The following KIAA2012 variants were observed in gnomAD, a reference collection of about 807,000 sequenced individuals.
The protein encoded by KIAA2012 is KIAA2012.
A neutral mutation model predicts 150.6 loss-of-function variants in KIAA2012; 125 were observed. That is an observed-to-expected ratio of 0.83 (90% CI 0.72 to 0.96). KIAA2012 has a LOEUF of 0.96. Among genes scored for constraint, KIAA2012 ranks in the 40% least tolerant of loss-of-function variants. The pLI is 0.00. For missense variants in KIAA2012, 1,219 were observed against 1,354.9 expected (o/e 0.90, Z 1.57); for synonymous variants, 462 against 504.7 (o/e 0.92, Z 1.13).
Position 202,097,551 on chromosome 2 carries a change from TGGCAGGAAGATGAAACGCA to T in KIAA2012, c.808_826del (p.Glu270ArgfsTer5). 6.5e-7 allele frequency: 1 copy of T among 1,549,024 alleles called. No individual in the cohort carries two copies. The highest frequency in any genetic ancestry group is 2.4e-5 in the East Asian group (1 of 40,876). The stretch of plus-strand genomic sequence containing the variant: ...CTTGCCACCACGCAGGAAGCAGCCC[TGGCAGGAAGATGAAACGCA>T]GGCAGAGGTACCATTTCTTTTTTTT... On this transcript the variant is annotated frameshift_variant, in exon 5 of 24. Transcript: ENST00000498697. LOFTEE classifies it high-confidence loss of function.
chr2:202,079,610 G>A (rs1374037549), intron 2 of KIAA2012, among the ~76,000 whole-genome samples: 2 of 152,218 alleles, frequency 1.3e-5, no homozygotes, highest in East Asian at 1.9e-4. Context: ...GAACTTTCTT[G>A]ATGGCCCAAC....
chr2:202,201,562 C>T (rs1429375498), intron 22 of KIAA2012: 1 of 1,610,456 alleles, frequency 6.2e-7, no homozygotes, highest in East Asian at 2.2e-5. Flanking sequence ...GCATCATACC[C>T]GCCTTCCACC....
chr2:202,125,882 C>G (rs981577288), intron 12 of KIAA2012: 5 of 443,930 alleles, frequency 1.1e-5, no homozygotes, highest in African/African-American at 2.1e-5. Flanking sequence ...GAGACTTTCT[C>G]TCCTAAAAAT....
At position 202,113,337 on chromosome 2, in the gene KIAA2012, A is replaced by C; in HGVS notation, c.1653A>C (p.Glu551Asp). 1 of 1,550,154 alleles carries C rather than the reference A, an allele frequency of 6.5e-7. No individual in the cohort carries two copies. Among genetic ancestry groups the C allele is most frequent in the Non-Finnish European group, 8.7e-7 (1 of 1,146,518 alleles). ...CCTATGCTTGTGCTTATTTTCAAGAAGATTCCAGCGACCCTACACTGGGAC... is the reference window on the plus strand; with the variant it reads ...CCTATGCTTGTGCTTATTTTCAAGACGATTCCAGCGACCCTACACTGGGAC... ...VPRRALPAAQ[E>D]DSSDPTLGHF... The change falls in exon 11 of 24, where the codon GAA becomes GAC. Residue 551 changes from glutamate (E) to aspartate (D), a missense_variant and splice_region_variant. Coordinates refer to ENST00000498697, the MANE Select transcript of KIAA2012 (RefSeq NM_001277372.4).
intron 10 of KIAA2012, among the ~76,000 whole-genome samples, chr2:202,110,941 C>A (rs1690332506): frequency 2.0e-5 from 3 of 152,216 alleles, no homozygotes; most frequent in Admixed American, 6.5e-5. Context: ...TCCTTCCCCG[C>A]AACATTCTCT....
At chr2:202,179,464 T>C (rs1425674660) in intron 15 of KIAA2012, 4 of 711,350 alleles carry the variant, frequency 5.6e-6, no homozygotes, top group Non-Finnish European at 1.1e-5. Flanking sequence ...TCATTCTGTA[T>C]GATGAGCGAA....
chr2:202,112,919 G>C (rs1690409666), intron 10 of KIAA2012, among the ~76,000 whole-genome samples: 1 of 152,192 alleles, frequency 6.6e-6, no homozygotes, highest in Non-Finnish European at 1.5e-5. Context: ...TGCATGCTGA[G>C]TACTGCACAG....
chr2:202,130,465 T>G (rs1003044344), intron 12 of KIAA2012, among the ~76,000 whole-genome samples: 4 of 148,734 alleles, frequency 2.7e-5, no homozygotes, highest in Non-Finnish European at 4.5e-5. Context: ...ATTTTGTGTG[T>G]GAGTTATATT....
intron 11 of KIAA2012, 138 bp from the exon 12 acceptor site, chr2:202,125,076 T>G (rs909706053): frequency 2.8e-5 from 20 of 706,488 alleles, no homozygotes; most frequent in Non-Finnish European, 4.5e-5. Context: ...TCTCAAAAAT[T>G]TAAAAAAAAG....
chr2:202,125,594 C>T (rs1690762794), intron 12 of KIAA2012, among the ~76,000 whole-genome samples: 1 of 152,118 alleles, frequency 6.6e-6, no homozygotes, highest in Non-Finnish European at 1.5e-5. Flanking sequence ...TAATCCACTG[C>T]ACAATTCCCT....
At chr2:202,191,216 G>A (rs1309691388) in intron 19 of KIAA2012, among the ~76,000 whole-genome samples, 1 of 152,084 alleles carries the variant, frequency 6.6e-6, no homozygotes, top group Non-Finnish European at 1.5e-5. Context: ...GGCAGAGGTT[G>A]CAGTGAGCCG....
At chr2:202,183,820 C>T (rs1018160987) in intron 15 of KIAA2012, among the ~76,000 whole-genome samples, 15 of 152,108 alleles carry the variant, frequency 9.9e-5, no homozygotes, top group Non-Finnish European at 2.1e-4. Context: ...AATCAACTTG[C>T]TTTTCAATGT....
chr2:202,196,553 A>T (rs919666847), intron 21 of KIAA2012, among the ~76,000 whole-genome samples: 1 of 151,926 alleles, frequency 6.6e-6, no homozygotes, highest in African/African-American at 2.4e-5. Context: ...CCAGCTTCAT[A>T]CCACCACATA....
Position 202,102,968 on chromosome 2 carries a change from C to T in KIAA2012, c.1178C>T (p.Pro393Leu), listed in dbSNP as rs570640106. The T allele has an allele frequency of 1.3e-6, 2 of 1,550,200 alleles. No homozygotes were observed. The highest frequency in any genetic ancestry group is 1.4e-5 in the African/African-American group (1 of 73,126). The part of the protein sequence containing the change: ...KKKAPKALKL[P>L]PISEEPPRVL... Reference sequence around the variant, plus strand: ...CAGGCACCAAAGGCTTTGAAATTACCTCCTATCTCAGAAGAACCACCCAGA... The same window carrying T: ...CAGGCACCAAAGGCTTTGAAATTACTTCCTATCTCAGAAGAACCACCCAGA... Residue 393 changes from proline to leucine, a missense_variant, in exon 8 of 24, where the codon CCT becomes CTT. Coordinates refer to ENST00000498697, the MANE Select transcript of KIAA2012 (RefSeq NM_001277372.4).
intron 15 of KIAA2012, among the ~76,000 whole-genome samples, chr2:202,174,478 A>T (rs1691954354): frequency 6.6e-6 from 1 of 152,250 alleles, no homozygotes; most frequent in African/African-American, 2.4e-5. Context: ...ACAAGACATT[A>T]AAAGACAAAA....
chr2:202,096,049 A>G (rs111379971), intron 4 of KIAA2012, among the ~76,000 whole-genome samples: 8 of 152,114 alleles, frequency 5.3e-5, no homozygotes, highest in African/African-American at 1.4e-4. Flanking sequence ...ATGCCACTGC[A>G]CTCCAGCCTG....
chr2:202,186,830 C>G, intron 16 of KIAA2012, 103 bp from the exon 17 acceptor site: 1 of 1,097,318 alleles, frequency 9.1e-7, no homozygotes, highest in Non-Finnish European at 1.3e-6. Context: ...ATGTCAGGCA[C>G]AGTGCCTGCA....
chr2:202,117,570 C>T (rs183713978), intron 11 of KIAA2012, among the ~76,000 whole-genome samples: 72 of 152,336 alleles, frequency 4.7e-4, no homozygotes, highest in African/African-American at 1.7e-3. Flanking sequence ...TTTATTCCCA[C>T]CTGTACTGCC....
rs923782947 is a variant in KIAA2012 at position 202,109,744 on chromosome 2, C to T, written c.1606C>T (p.Leu536Phe). 3.2e-6 allele frequency: 5 copies of T among 1,550,316 alleles called. No individual in the cohort carries two copies. In the East Asian group the frequency reaches 1.2e-4, roughly 38 times the overall value. Residue 536 changes from leucine to phenylalanine, a missense_variant, in exon 10 of 24, where the codon CTC (leucine) becomes TTC (phenylalanine). By Grantham distance (22) the Leu-to-Phe change is conservative. Coordinates refer to ENST00000498697, the MANE Select transcript of KIAA2012 (RefSeq NM_001277372.4). ...RTSDHNSPPS[L>F]PNMRVPRRAL... ...ATCAGACCACAACAGCCCCCCAAGT[C>T]TCCCGAACATGAGAGTGCCCAGGAG...
Sources: gnomAD v4.1 joint callset for allele counts (sites outside exome capture counted in the v4.1 genomes callset) on GRCh38, gnomAD v4.1.1 for gene constraint, MANE v1.5 for transcripts, NCBI Gene and HGNC (gene_info 2026-07-23, HGNC 2026-07-21) for gene names.